SMCO4: variants seen among roughly 807,000 people sequenced by gnomAD.
SMCO4 encodes the protein single-pass membrane and coiled-coil domain-containing protein 4.
A neutral mutation model predicts 3.6 loss-of-function variants in SMCO4; 4 were observed. The ratio of observed to expected loss-of-function variants is 1.11; its 90% CI spans 0.54 to 2.53. SMCO4 has a LOEUF of 2.53. SMCO4 is among the 30% of genes most tolerant of loss of function. SMCO4 has a pLI of 0.02. For synonymous variants in SMCO4, 36 were observed against 35.3 expected (o/e 1.02, Z -0.07); for missense variants, 70 against 80.8 (o/e 0.87, Z 0.51).
chr11:93,502,476 T>G (rs1223808732), intron 1 of SMCO4, among the ~76,000 whole-genome samples: 2 of 152,208 alleles, frequency 1.3e-5, no homozygotes, highest in Non-Finnish European at 2.9e-5. Context: ...AAACACAAAA[T>G]GTAGGGTCCC....
At chr11:93,522,933 T>C (rs1949072209) in intron 1 of SMCO4, among the ~76,000 whole-genome samples, 2 of 152,172 alleles carry the variant, frequency 1.3e-5, no homozygotes, top group South Asian at 4.1e-4. Flanking sequence ...CCCTACGAGA[T>C]GCTAAGTTCC....
At chr11:93,508,408 G>A (rs1253914713) in intron 1 of SMCO4, among the ~76,000 whole-genome samples, 1 of 152,192 alleles carries the variant, frequency 6.6e-6, no homozygotes, top group Non-Finnish European at 1.5e-5. Context: ...AGTATGATAA[G>A]AAGTCAAACT....
chr11:93,479,413 T>A, intron 2 of SMCO4, 144 bp from the exon 3 acceptor site: 1 of 767,302 alleles, frequency 1.3e-6, no homozygotes, highest in East Asian at 3.1e-5. Context: ...AGGCTCTAAG[T>A]TCTCTTGGGA....
intron 1 of SMCO4, among the ~76,000 whole-genome samples, chr11:93,511,168 TA>T (rs201140199): frequency 6.6e-6 from 1 of 150,494 alleles, no homozygotes; most frequent in Non-Finnish European, 1.5e-5. Flanking sequence ...CATGTCCAAT[TA>T]AAAAAAAATG....
intron 1 of SMCO4, among the ~76,000 whole-genome samples, 178 bp from the exon 2 acceptor site, chr11:93,499,526 T>C (rs182613780): frequency 6.6e-6 from 1 of 152,288 alleles, no homozygotes; most frequent in Admixed American, 6.5e-5. Flanking sequence ...GACAGACAGA[T>C]ACACTGGCAC....
chr11:93,550,681 T>G, the SMCO4 span, among the ~76,000 whole-genome samples: 1 of 152,014 alleles, frequency 6.6e-6, no homozygotes, highest in Non-Finnish European at 1.5e-5. Flanking sequence ...TTTTTTTTAT[T>G]TTTATTTTTA....
chr11:93,526,914 C>T (rs1949113370), intron 1 of SMCO4, among the ~76,000 whole-genome samples: 1 of 152,198 alleles, frequency 6.6e-6, no homozygotes, highest in African/African-American at 2.4e-5. Context: ...CCAGACCTGA[C>T]AAGGCCACAT....
At chr11:93,525,918 T>C (rs1033555440) in intron 1 of SMCO4, among the ~76,000 whole-genome samples, 2 of 152,206 alleles carry the variant, frequency 1.3e-5, no homozygotes, top group Admixed American at 1.3e-4. Context: ...AAACCCCAGC[T>C]TGGAAAGAGC....
At chr11:93,548,924 G>C in the SMCO4 span, among the ~76,000 whole-genome samples, 5 of 152,234 alleles carry the variant, frequency 3.3e-5, no homozygotes, top group Admixed American at 6.5e-5. Context: ...AGAGGCTGAA[G>C]TGAAGTTGCA....
chr11:93,518,496 T>G (rs1949029807), intron 1 of SMCO4, among the ~76,000 whole-genome samples: 1 of 152,252 alleles, frequency 6.6e-6, no homozygotes, highest in African/African-American at 2.4e-5. Flanking sequence ...GGTCTTATGA[T>G]CATTCTATGT....
chr11:93,513,784 G>A (rs1029339218), intron 1 of SMCO4, among the ~76,000 whole-genome samples: 1 of 152,180 alleles, frequency 6.6e-6, no homozygotes, highest in Non-Finnish European at 1.5e-5. Flanking sequence ...CAGAATCGTA[G>A]TTATTAATAA....
intron 2 of SMCO4, among the ~76,000 whole-genome samples, chr11:93,493,463 A>C (rs1948742020): frequency 6.6e-6 from 1 of 151,962 alleles, no homozygotes; most frequent in Non-Finnish European, 1.5e-5. Context: ...GCCACCCCCA[A>C]ATAAAATAGA....
chr11:93,524,619 C>T (rs1246398544), intron 1 of SMCO4, among the ~76,000 whole-genome samples: 1 of 152,058 alleles, frequency 6.6e-6, no homozygotes, highest in Non-Finnish European at 1.5e-5. Context: ...ACTGCCAGGC[C>T]CCTGGAAGTA....
chr11:93,505,635 C>T (rs181229973), intron 1 of SMCO4, among the ~76,000 whole-genome samples: 1 of 152,226 alleles, frequency 6.6e-6, no homozygotes, highest in East Asian at 1.9e-4. Flanking sequence ...TATAGCCTCC[C>T]ATTCCCCTTA....
chr11:93,548,212 A>C (rs984638158), upstream of SMCO4, among the ~76,000 whole-genome samples: 23 of 152,226 alleles, frequency 1.5e-4, no homozygotes, highest in Admixed American at 6.5e-5. Flanking sequence ...GAGCAATGTA[A>C]AGCTAAATGT....
At chr11:93,490,971 G>T (rs912251890) in intron 2 of SMCO4, among the ~76,000 whole-genome samples, 2 of 152,256 alleles carry the variant, frequency 1.3e-5, no homozygotes, top group Non-Finnish European at 2.9e-5. Context: ...CTACCTTGAT[G>T]AATAAGTGGT....
chr11:93,545,281 T>C (rs142620837), upstream of SMCO4, among the ~76,000 whole-genome samples: 1 of 152,206 alleles, frequency 6.6e-6, no homozygotes, highest in Non-Finnish European at 1.5e-5. Flanking sequence ...AACATAGATA[T>C]TGTGTCTGTG....
At chr11:93,533,360 G>T (rs899177864) in intron 1 of SMCO4, among the ~76,000 whole-genome samples, 1 of 152,184 alleles carries the variant, frequency 6.6e-6, no homozygotes, top group African/African-American at 2.4e-5. Context: ...ACCTTGGGAG[G>T]AGTAAACGGC....
chr11:93,492,327 T>G (rs1225646829), intron 2 of SMCO4, among the ~76,000 whole-genome samples: 1 of 152,194 alleles, frequency 6.6e-6, no homozygotes, highest in Admixed American at 6.6e-5. Flanking sequence ...ACAAACTGAT[T>G]GACTGGTCCA....
Sources: allele counts gnomAD v4.1 joint callset (sites outside exome capture counted in the v4.1 genomes callset), GRCh38; gene constraint gnomAD v4.1.1; transcripts MANE v1.5; gene names NCBI Gene and HGNC (gene_info 2026-07-23, HGNC 2026-07-21).